GDPD4: variants seen among roughly 807,000 people sequenced by gnomAD.
The protein encoded by GDPD4 is glycerophosphodiester phosphodiesterase 6.
In GDPD4, 60 loss-of-function variants were observed where a neutral mutation model predicts 67.8. The observed-to-expected ratio is 0.88, with a 90% CI of 0.72 to 1.10. The LOEUF (loss-of-function observed/expected upper bound fraction) is 1.10, where lower values mean the gene tolerates loss of function less well. GDPD4 is among the 50% of genes least tolerant of loss of function. The pLI is 0.00. For synonymous variants in GDPD4, 212 were observed against 210.9 expected (o/e 1.00, Z -0.04); for missense variants, 623 against 613.9 (o/e 1.01, Z -0.16).
intron 5 of GDPD4, among the ~76,000 whole-genome samples, chr11:77,274,605 A>C (rs917660514): frequency 3.3e-5 from 5 of 152,188 alleles, no homozygotes; most frequent in Admixed American, 3.3e-4. Context: ...ACCAGATGCC[A>C]GTGCTATACT....
intron 11 of GDPD4, among the ~76,000 whole-genome samples, chr11:77,252,049 T>C (rs1413742727): frequency 1.2e-5 from 1 of 81,304 alleles, no homozygotes; most frequent in Non-Finnish European, 2.7e-5. Context: ...TTTTTTTGTT[T>C]GTTTGTTTTT....
rs772183342 is a variant in GDPD4, at chr11:77,268,488, C to A, written c.676G>T (p.Ala226Ser). 2.5e-6 allele frequency: 4 copies of A among 1,613,262 alleles called. No individual in the cohort carries two copies. In the Admixed American group the frequency reaches 5.0e-5, roughly 20 times the overall value. Residue 226 changes from alanine to serine, a missense_variant, in exon 10 of 17, where the codon GCC becomes TCC. Physicochemically the swap from Ala to Ser is moderately conservative, Grantham distance 99. Transcript: ENST00000315938. ...MSFEKAVEHG[A>S]HGLETDIHLS... is the part of the protein sequence containing the mutation. ...TGTATATCAGTCTCCAATCCATGGG[C>A]TCCATGTTCAACAGCTTTCTCAAAG...
chr11:77,296,924 T>C (rs1937987383), intron 1 of GDPD4, among the ~76,000 whole-genome samples: 1 of 151,004 alleles, frequency 6.6e-6, no homozygotes, highest in East Asian at 2.0e-4. Flanking sequence ...CATGGTGGTG[T>C]GCGCCTGTAG....
At chr11:77,270,180 G>C (rs556982932) in intron 7 of GDPD4, among the ~76,000 whole-genome samples, 1 of 152,306 alleles carries the variant, frequency 6.6e-6, no homozygotes, top group South Asian at 2.1e-4. Context: ...GACCCAGAGA[G>C]AAGAAGGTCC....
chr11:77,234,007 T>G (rs1958502989), intron 13 of GDPD4, among the ~76,000 whole-genome samples: 1 of 152,210 alleles, frequency 6.6e-6, no homozygotes, highest in African/African-American at 2.4e-5. Context: ...GTTGTCATTT[T>G]CAGGGATTCA....
At chr11:77,292,004 T>C (rs1255812937) in intron 1 of GDPD4, among the ~76,000 whole-genome samples, 1 of 152,138 alleles carries the variant, frequency 6.6e-6, no homozygotes, top group Admixed American at 6.5e-5. Context: ...CACTCCAGCC[T>C]GGGCAACAAG....
intron 14 of GDPD4, among the ~76,000 whole-genome samples, chr11:77,231,306 T>A (rs182647105): frequency 3.7e-4 from 56 of 152,304 alleles, no homozygotes; most frequent in Middle Eastern, 6.8e-3. Context: ...TTATCCCCAA[T>A]TTTCAAACAG....
At chr11:77,241,950 T>C (rs1052978347) in intron 13 of GDPD4, among the ~76,000 whole-genome samples, 1 of 151,782 alleles carries the variant, frequency 6.6e-6, no homozygotes, top group African/African-American at 2.4e-5. Context: ...AATAAATAAA[T>C]AAGTCTAACT....
At chr11:77,236,650 T>C (rs1958573685) in intron 13 of GDPD4, among the ~76,000 whole-genome samples, 1 of 152,058 alleles carries the variant, frequency 6.6e-6, no homozygotes, top group Admixed American at 6.6e-5. Context: ...CATTTCATAA[T>C]GAAGGGGCCA....
intron 1 of GDPD4, among the ~76,000 whole-genome samples, chr11:77,297,124 T>C (rs1937999360): frequency 6.6e-6 from 1 of 151,408 alleles, no homozygotes; most frequent in African/African-American, 2.4e-5. Flanking sequence ...GTAAAATGTA[T>C]GGTGTCTGCA....
intron 15 of GDPD4, 24 bp downstream of exon 15, chr11:77,229,126 A>T (rs552378623): frequency 8.7e-7 from 1 of 1,155,394 alleles, no homozygotes; most frequent in African/African-American, 1.6e-5. Context: ...GAAAAAATTC[A>T]TTTAAAATTA....
At position 77,301,642 on chromosome 11, in the gene GDPD4, G is replaced by A. The variant is rs970689501; in HGVS notation, c.-291C>T. ...GTCCCAACCCAAATCCAATCTTCAC[G>A]CCTGAGGAGACCAGCGTCTCTTAAG... On this transcript the variant is annotated 5_prime_UTR_variant, in exon 1 of 17. Transcript: ENST00000315938. The A allele has an allele frequency of 6.6e-6, 1 of 152,076 alleles. No homozygotes were observed. The highest frequency in any genetic ancestry group is 1.5e-5 in the Non-Finnish European group (1 of 68,048). The allele number at this position is 152,076 out of a possible 1,614,324, so 9.4% of individuals were successfully genotyped here.
At chr11:77,264,492 A>G (rs1959168797) in intron 10 of GDPD4, among the ~76,000 whole-genome samples, 1 of 152,172 alleles carries the variant, frequency 6.6e-6, no homozygotes, top group Non-Finnish European at 1.5e-5. Context: ...CATAGGAAAC[A>G]GCCAGGTAGG....
chr11:77,261,006 A>AT (rs1387726525), intron 10 of GDPD4, among the ~76,000 whole-genome samples: 1 of 152,100 alleles, frequency 6.6e-6, no homozygotes, highest in African/African-American at 2.4e-5. Context: ...AAAACTAAAA[A>AT]TTTTTTCAAA....
At chr11:77,266,196 G>T (rs770433183) in intron 10 of GDPD4, among the ~76,000 whole-genome samples, 13 of 152,108 alleles carry the variant, frequency 8.5e-5, no homozygotes, top group Non-Finnish European at 1.6e-4. Flanking sequence ...AATTTCTGGG[G>T]TGTATGGTAA....
chr11:77,284,950 C>A, intron 3 of GDPD4, 135 bp downstream of exon 3: 1 of 682,314 alleles, frequency 1.5e-6, no homozygotes, highest in East Asian at 2.6e-5. Flanking sequence ...GCCTCTCACC[C>A]AAAAGCTGTG....
At chr11:77,258,679 G>A in intron 10 of GDPD4, 137 bp from the exon 11 acceptor site, 2 of 703,172 alleles carry the variant, frequency 2.8e-6, no homozygotes, top group East Asian at 2.5e-5. Context: ...CTTAGAAAAG[G>A]GCTACATATC....
chr11:77,246,246 C>T (rs1958783536), intron 11 of GDPD4, among the ~76,000 whole-genome samples: 1 of 152,116 alleles, frequency 6.6e-6, no homozygotes, highest in African/African-American at 2.4e-5. Context: ...ATGATTGTGC[C>T]ATTGCACTAC....
intron 11 of GDPD4, among the ~76,000 whole-genome samples, chr11:77,247,846 G>C (rs1958808548): frequency 6.6e-6 from 1 of 152,088 alleles, no homozygotes; most frequent in African/African-American, 2.4e-5. Flanking sequence ...GAGGTCAGGA[G>C]TTCGAGACCA....
Sources: gnomAD v4.1 joint callset for allele counts (sites outside exome capture counted in the v4.1 genomes callset) on GRCh38, gnomAD v4.1.1 for gene constraint, MANE v1.5 for transcripts, NCBI Gene and HGNC (gene_info 2026-07-23, HGNC 2026-07-21) for gene names.